Variants in ATP2B2 observed in about 807,000 individuals in gnomAD.
The protein encoded by ATP2B2 is ATPase plasma membrane Ca2+ transporting 2.
Under a neutral mutation model 120.0 loss-of-function variants are expected in ATP2B2, and 15 were observed. The observed-to-expected ratio is 0.12, with a 90% confidence interval of 0.08 to 0.19. ATP2B2 has a LOEUF of 0.19. Among genes scored for constraint, ATP2B2 ranks in the 10% least tolerant of loss-of-function variants. The pLI, the probability that ATP2B2 is intolerant of heterozygous loss-of-function variation, is 1.00. For synonymous variants in ATP2B2, 694 were observed against 700.3 expected, an observed-to-expected ratio of 0.99 and a Z score of 0.14; for missense variants, 1,045 against 1,719.8, an observed-to-expected ratio of 0.61 and a Z score of 6.94.
chr3:10,576,860 C>T (rs1467305899), intron 2 of ATP2B2, among the ~76,000 whole-genome samples: 2 of 151,884 alleles, frequency 1.3e-5, no homozygotes, highest in Middle Eastern at 3.2e-3. Flanking sequence ...GTCAGGAATT[C>T]GAGACCAGCC....
intron 2 of ATP2B2, among the ~76,000 whole-genome samples, chr3:10,436,461 G>T (rs570613213): frequency 1.3e-5 from 2 of 152,206 alleles, no homozygotes; most frequent in Non-Finnish European, 2.9e-5. Flanking sequence ...CTGCAAAAGA[G>T]GATTCCCTCG....
intron 2 of ATP2B2, among the ~76,000 whole-genome samples, chr3:10,587,428 A>G (rs2068537065): frequency 6.6e-6 from 1 of 152,036 alleles, no homozygotes; most frequent in African/African-American, 2.4e-5. Flanking sequence ...TCACACTGTC[A>G]CCCAGGCTGG....
chr3:10,701,754 C>A (rs1303083974), intron 1 of ATP2B2, among the ~76,000 whole-genome samples: 1 of 152,060 alleles, frequency 6.6e-6, no homozygotes, highest in African/African-American at 2.4e-5. Context: ...CTGCGAAATG[C>A]CCAGCCTTAC....
At chr3:10,418,980 C>T (rs1056490987) in intron 2 of ATP2B2, among the ~76,000 whole-genome samples, 2 of 152,220 alleles carry the variant, frequency 1.3e-5, no homozygotes, top group Non-Finnish European at 2.9e-5. Flanking sequence ...TGGTGTGTGA[C>T]AGCAGCAGGC....
chr3:10,351,763 C>T (rs1057480418), intron 14 of ATP2B2, among the ~76,000 whole-genome samples: 2 of 152,276 alleles, frequency 1.3e-5, no homozygotes, highest in African/African-American at 2.4e-5. Context: ...GAGGAAATTT[C>T]GACACAAAGA....
At chr3:10,634,391 G>A (rs745988565) in intron 1 of ATP2B2, among the ~76,000 whole-genome samples, 1 of 152,174 alleles carries the variant, frequency 6.6e-6, no homozygotes, top group Non-Finnish European at 1.5e-5. Context: ...CCCACTGGGG[G>A]CCGTGTCCAA....
intron 1 of ATP2B2, among the ~76,000 whole-genome samples, chr3:10,500,968 G>A (rs1459231770): frequency 2.0e-5 from 3 of 152,220 alleles, no homozygotes; most frequent in Non-Finnish European, 2.9e-5. Context: ...CACAAGGGGA[G>A]AGCTTGGGAC....
intron 1 of ATP2B2, among the ~76,000 whole-genome samples, chr3:10,654,779 T>TAAAAA (rs3030786): frequency 1.4e-5 from 2 of 143,468 alleles, no homozygotes; most frequent in African/African-American, 2.6e-5. Context: ...GGGAAGCTGG[T>TAAAAA]AAAAAAAAAA....
intron 5 of ATP2B2, chr3:10,394,601 G>C (rs755713096): frequency 2.2e-6 from 1 of 450,518 alleles, no homozygotes; most frequent in Middle Eastern, 4.4e-4. Context: ...TCACGGTGTC[G>C]TCCTAGGCTC....
rs369120862 is a variant in ATP2B2 at position 10,643,065 on chromosome 3, CACAACA to C, written c.-459-23110_-459-23105del. On this transcript the variant is annotated intron_variant, in intron 1 of 21. Transcript: ENST00000646379. ...AAGGAGATGCTTAAATACGCACTCA[CACAACA>C]ACAACAACAACAACAACAGCAAGGC... is the stretch of plus-strand genomic sequence containing the variant. Among the ~76,000 whole-genome samples the C allele has an allele frequency of 2.0e-5, 3 of 151,792 alleles. 1 individual carries two copies. The highest frequency in any genetic ancestry group is 7.3e-5 in the African/African-American group (3 of 41,310).
In ATP2B2 at chr3:10,388,271, G is replaced by T. The variant is rs767959188; in HGVS notation, c.907+6C>A. On this transcript the variant is annotated splice_donor_region_variant and intron_variant, in intron 6 of 22. Transcript: ENST00000360273. Reference sequence around the variant, plus strand: ...CTCTCCTGGTCTGCAAGGGGATTAGGCTTACCTTTTTTGTCTTTCTTCTCT... The same window carrying T: ...CTCTCCTGGTCTGCAAGGGGATTAGTCTTACCTTTTTTGTCTTTCTTCTCT... 3 of 1,614,124 alleles carry T rather than the reference G, an allele frequency of 1.9e-6. No homozygotes were observed. Among genetic ancestry groups the T allele is most frequent in the Non-Finnish European group, 2.5e-6 (3 of 1,180,014 alleles).
At chr3:10,627,099 C>T (rs189280173) in intron 1 of ATP2B2, among the ~76,000 whole-genome samples, 44 of 152,344 alleles carry the variant, frequency 2.9e-4, no homozygotes, top group African/African-American at 9.9e-4. Context: ...AATTCTCACC[C>T]TCCCAGCATC....
chr3:10,374,346 A>G (rs902040429), intron 11 of ATP2B2, among the ~76,000 whole-genome samples: 3 of 152,168 alleles, frequency 2.0e-5, no homozygotes, highest in Non-Finnish European at 4.4e-5. Context: ...TTAAAACAGG[A>G]AGACGATAAG....
At chr3:10,621,070 G>C (rs1010341335) in intron 1 of ATP2B2, among the ~76,000 whole-genome samples, 5 of 152,172 alleles carry the variant, frequency 3.3e-5, no homozygotes, top group Non-Finnish European at 7.3e-5. Flanking sequence ...CCTGAGCCCT[G>C]CTGTGCTGCT....
At chr3:10,621,052 T>C (rs919986) in intron 1 of ATP2B2, among the ~76,000 whole-genome samples, 143,851 of 152,112 alleles carry the variant, frequency 0.95, 68,122 homozygotes, top group African/African-American at 0.99. Flanking sequence ...CACTTGGTGC[T>C]GAGCTCTCCT....
intron 2 of ATP2B2, among the ~76,000 whole-genome samples, chr3:10,534,964 C>A (rs1030722120): frequency 3.0e-5 from 4 of 132,082 alleles, no homozygotes; most frequent in Admixed American, 8.7e-5. Flanking sequence ...AGTGCAATGG[C>A]ATGATCTCAG....
intron 2 of ATP2B2, among the ~76,000 whole-genome samples, chr3:10,546,747 T>G (rs925342766): frequency 6.6e-6 from 1 of 152,198 alleles, no homozygotes; most frequent in African/African-American, 2.4e-5. Flanking sequence ...CCTATTGATC[T>G]TGCAGCCTCC....
intron 1 of ATP2B2, among the ~76,000 whole-genome samples, chr3:10,483,221 TAGGATA>T (rs1228801236): frequency 6.6e-6 from 1 of 152,152 alleles, no homozygotes; most frequent in Non-Finnish European, 1.5e-5. Flanking sequence ...GGCCAACTGG[TAGGATA>T]GGTGTGACAG....
Position 10,625,552 on chromosome 3 carries a change from A to G in ATP2B2, c.-459-5591T>C, listed in dbSNP as rs192317963. 5.7e-3 allele frequency among the ~76,000 whole-genome samples: 873 copies of G among 152,306 alleles called. 6 individuals are homozygous for G. Among genetic ancestry groups the G allele is most frequent in the Non-Finnish European group, 8.7e-3 (589 of 68,024 alleles). On this transcript the variant is annotated intron_variant, in intron 1 of 21. Coordinates refer to the ATP2B2 transcript ENST00000646379. ...CGGTTTGAGTTACAGAATCCGGATC[A>G]TGGCTTCCTGACCCTTGGCTTCTTG...
Sources: gnomAD v4.1 joint callset for allele counts (sites outside exome capture counted in the v4.1 genomes callset) on GRCh38, gnomAD v4.1.1 for gene constraint, MANE v1.5 for transcripts, NCBI Gene and HGNC (gene_info 2026-07-23, HGNC 2026-07-21) for gene names.